ZPLD1: variants seen among roughly 807,000 people sequenced by gnomAD.
The protein encoded by ZPLD1 is zona pellucida-like domain-containing protein 1.
ZPLD1 carries 34 observed loss-of-function variants against 47.2 expected under a neutral mutation model. That is an observed-to-expected ratio of 0.72 (90% CI 0.55 to 0.96). The LOEUF (loss-of-function observed/expected upper bound fraction) is 0.96, where lower values mean the gene tolerates loss of function less well. Among genes scored for constraint, ZPLD1 ranks in the 40% least tolerant of loss-of-function variants. The probability of loss-of-function intolerance (pLI) is 0.00; values close to 1 mark genes in which losing one functional copy is unlikely to be tolerated. For missense variants in ZPLD1, 512 were observed against 505.8 expected, an observed-to-expected ratio of 1.01 and a Z score of -0.12; for synonymous variants, 176 against 186.2, an observed-to-expected ratio of 0.95 and a Z score of 0.45.
upstream of ZPLD1, among the ~76,000 whole-genome samples, chr3:102,431,017 A>C (rs1183431791): frequency 6.6e-6 from 1 of 152,196 alleles, no homozygotes; most frequent in Admixed American, 6.5e-5. Context: ...GAACCTGGTG[A>C]ATTATTAAGG....
In ZPLD1 at chr3:102,457,774, G is replaced by A; in HGVS notation, c.510-7G>A. 1.2e-6 allele frequency: 2 copies of A among 1,613,700 alleles called. No homozygotes were observed. The highest frequency in any genetic ancestry group is 8.5e-7 in the Non-Finnish European group (1 of 1,179,798). ...TCAGTGCTTTCCTTTTTCTAAATGT[G>A]TTTTAGGTCCTCAGCGGCTATTTCT... is the stretch of plus-strand genomic sequence containing the variant. On this transcript the variant is annotated splice_region_variant and splice_polypyrimidine_tract_variant and intron_variant, in intron 5 of 11. Transcript: ENST00000466937.
rs762163612 is a variant in ZPLD1 at position 102,453,103 on chromosome 3, T to C, written c.291T>C (p.Asn97=). The C allele has an allele frequency of 1.2e-6, 2 of 1,614,100 alleles. No individual in the cohort carries two copies. The highest frequency in any genetic ancestry group is 3.3e-4 in the Middle Eastern group (2 of 6,060). The change falls in exon 4 of 12, where the codon AAT becomes AAC. Residue 97 remains asparagine (N), a synonymous_variant. Coordinates refer to ENST00000466937, the MANE Select transcript of ZPLD1 (RefSeq NM_001329788.2). ...TFPAVVIFII[N]LSTLEGCGNN... The stretch of plus-strand genomic sequence containing the variant: ...CAGCAGTGGTCATTTTTATCATCAA[T>C]CTCAGCACCTTGGAGGGCTGTGGAA...
chr3:102,393,391 T>C (rs988861212), intron 7 of ZPLD1, among the ~76,000 whole-genome samples: 1 of 152,182 alleles, frequency 6.6e-6, no homozygotes, highest in Non-Finnish European at 1.5e-5. Context: ...AAAAATCTTA[T>C]CTTCAATTGC....
In ZPLD1 at chr3:102,439,414, C is replaced by T. The variant is rs528682578; in HGVS notation, c.106+821C>T. Among the ~76,000 whole-genome samples the T allele has an allele frequency of 2.6e-5, 4 of 152,248 alleles. No homozygotes were observed. In the South Asian group the frequency reaches 8.3e-4, roughly 32 times the overall value. Reference sequence around the variant, plus strand: ...GCGATTTCTACAACAGAGCCCACATCAGAAATTGTCTGAATGTCTTCATGA... The same window carrying T: ...GCGATTTCTACAACAGAGCCCACATTAGAAATTGTCTGAATGTCTTCATGA... On this transcript the variant is annotated intron_variant, in intron 3 of 11. Coordinates refer to ENST00000466937, the MANE Select transcript of ZPLD1 (RefSeq NM_001329788.2).
At chr3:102,408,550 A>G (rs1159527913) in intron 7 of ZPLD1, among the ~76,000 whole-genome samples, 1 of 151,902 alleles carries the variant, frequency 6.6e-6, no homozygotes, top group Non-Finnish European at 1.5e-5. Context: ...GAAACTGAGA[A>G]TGAAAGAAAG....
intron 7 of ZPLD1, among the ~76,000 whole-genome samples, chr3:102,401,548 T>C (rs1706620371): frequency 6.6e-6 from 1 of 152,230 alleles, no homozygotes; most frequent in South Asian, 2.1e-4. Context: ...TATACTTCTT[T>C]TGGCTTGCTT....
Position 102,456,193 on chromosome 3 carries a change from G to A in ZPLD1, c.328G>A (p.Val110Ile). 1 of 1,611,148 alleles carries A rather than the reference G, an allele frequency of 6.2e-7. No individual in the cohort carries two copies. The highest frequency in any genetic ancestry group is 8.5e-7 in the Non-Finnish European group (1 of 1,178,742). ...TAAACTGCATCTAACATTCTAACAGGTATCCACAATTCCTGGAGTCAGTGC... is the reference window on the plus strand; with the variant it reads ...TAAACTGCATCTAACATTCTAACAGATATCCACAATTCCTGGAGTCAGTGC... ...TLEGCGNNLV[V>I]STIPGVSAYG... The change falls in exon 5 of 12, where the codon GTA becomes ATA. Residue 110 changes from valine (V) to isoleucine (I), a missense_variant and splice_region_variant. Transcript: ENST00000466937.
chr3:102,418,473 A>G (rs1040813155), intron 8 of ZPLD1, among the ~76,000 whole-genome samples: 3 of 151,948 alleles, frequency 2.0e-5, no homozygotes, highest in Non-Finnish European at 4.4e-5. Context: ...GTAAACTTCA[A>G]TTTATCCCAA....
chr3:102,386,994 T>C (rs1457767007), intron 6 of ZPLD1, among the ~76,000 whole-genome samples: 1 of 152,224 alleles, frequency 6.6e-6, no homozygotes, highest in African/African-American at 2.4e-5. Context: ...ATTTCTTTTC[T>C]GCTATGATAG....
intron 5 of ZPLD1, among the ~76,000 whole-genome samples, chr3:102,456,787 T>C (rs1176095103): frequency 1.3e-5 from 2 of 152,196 alleles, no homozygotes; most frequent in African/African-American, 4.8e-5. Flanking sequence ...GAATTTTGCT[T>C]GGCTTCCCTC....
intron 8 of ZPLD1, among the ~76,000 whole-genome samples, chr3:102,426,160 G>GCA (rs1190793168): frequency 4.3e-5 from 6 of 139,380 alleles, no homozygotes; most frequent in East Asian, 2.1e-4. Context: ...ACACACACAT[G>GCA]CACACACACA....
chr3:102,441,445 C>CAA (rs1707176359), intron 3 of ZPLD1, among the ~76,000 whole-genome samples: 2 of 152,054 alleles, frequency 1.3e-5, no homozygotes, highest in African/African-American at 4.8e-5. Context: ...ATCTTAAACC[C>CAA]TGCAGATGAA....
At chr3:102,415,118 C>T (rs1170615188) in intron 7 of ZPLD1, among the ~76,000 whole-genome samples, 5 of 151,728 alleles carry the variant, frequency 3.3e-5, no homozygotes, top group Non-Finnish European at 7.4e-5. Context: ...TCTTATAATT[C>T]GTCTACAATG....
At chr3:102,389,408 AC>A (rs1576121258) in intron 6 of ZPLD1, among the ~76,000 whole-genome samples, 2 of 152,192 alleles carry the variant, frequency 1.3e-5, no homozygotes, top group Non-Finnish European at 2.9e-5. Context: ...CCTCTAAGCT[AC>A]CTTAAATGAA....
chr3:102,387,630 T>C (rs1706445428), intron 6 of ZPLD1, among the ~76,000 whole-genome samples: 2 of 152,310 alleles, frequency 1.3e-5, no homozygotes, highest in African/African-American at 4.8e-5. Context: ...ATTATTGTAT[T>C]GCTTTTTAGC....
intron 7 of ZPLD1, among the ~76,000 whole-genome samples, chr3:102,415,806 A>C (rs1706798810): frequency 2.0e-5 from 3 of 151,954 alleles, no homozygotes; most frequent in South Asian, 2.1e-4. Flanking sequence ...TAGTTATATG[A>C]CTTTTAAAGG....
At chr3:102,450,801 G>C (rs994276253) in intron 3 of ZPLD1, among the ~76,000 whole-genome samples, 2 of 152,142 alleles carry the variant, frequency 1.3e-5, no homozygotes, top group East Asian at 3.9e-4. Flanking sequence ...AAAATCAGTA[G>C]ATTTAAGATA....
intron 7 of ZPLD1, among the ~76,000 whole-genome samples, chr3:102,392,789 T>C (rs1359813851): frequency 2.6e-5 from 4 of 152,128 alleles, no homozygotes; most frequent in Admixed American, 1.3e-4. Context: ...GGACAAATAT[T>C]CAAACCGTAG....
At chr3:102,404,765 G>A (rs1442178944) in intron 7 of ZPLD1, among the ~76,000 whole-genome samples, 1 of 152,018 alleles carries the variant, frequency 6.6e-6, no homozygotes, top group Non-Finnish European at 1.5e-5. Context: ...AACTCTAAGT[G>A]CTTGGACACT....
Sources: allele counts gnomAD v4.1 joint callset (sites outside exome capture counted in the v4.1 genomes callset), GRCh38; gene constraint gnomAD v4.1.1; transcripts MANE v1.5; gene names NCBI Gene and HGNC (gene_info 2026-07-23, HGNC 2026-07-21).